RAC1: variants seen among roughly 807,000 people sequenced by gnomAD.
The protein encoded by RAC1 is Rac family small GTPase 1, also known as ras-related C3 botulinum toxin substrate 1.
Under a neutral mutation model 25.2 loss-of-function variants are expected in RAC1, and 2 were observed. The observed-to-expected ratio is 0.08, with a 90% confidence interval of 0.03 to 0.25. The LOEUF (loss-of-function observed/expected upper bound fraction) is 0.25, where lower values mean the gene tolerates loss of function less well. Ranked by LOEUF, RAC1 falls within the 10% of genes least tolerant of loss-of-function variation. The pLI is 1.00. For synonymous variants in RAC1, 88 were observed against 94.0 expected, an observed-to-expected ratio of 0.94 and a Z score of 0.37; for missense variants, 50 against 235.7, an observed-to-expected ratio of 0.21 and a Z score of 5.16.
intron 1 of RAC1, among the ~76,000 whole-genome samples, chr7:6,379,844 G>A (rs1253153758): frequency 2.0e-5 from 3 of 152,098 alleles, no homozygotes; most frequent in African/African-American, 4.8e-5. Context: ...TGCCTCCTGG[G>A]TTCAAGCAGT....
At chr7:6,383,879 T>C (rs771275259) in intron 1 of RAC1, among the ~76,000 whole-genome samples, 88 of 135,286 alleles carry the variant, frequency 6.5e-4, no homozygotes, top group South Asian at 1.3e-3. Flanking sequence ...CTCGGCTCAC[T>C]GCAACTTCCG....
chr7:6,400,042 C>A, intron 3 of RAC1, 84 bp from the exon 4 acceptor site: 1 of 1,244,616 alleles, frequency 8.0e-7, no homozygotes, highest in Non-Finnish European at 1.2e-6. Flanking sequence ...CCAACAAGTC[C>A]TTCCCAGCAA....
rs1554263519 is a variant in RAC1 at position 6,390,096 on chromosome 7, C to CCTTTTTTTTTT, written c.108-1828_108-1827insCTTTTTTTTTT. Among the ~76,000 whole-genome samples the CCTTTTTTTTTT allele has an allele frequency of 1.3e-4, 10 of 74,916 alleles. No individual in the cohort carries two copies. The East Asian group carries it at 3.1e-3, about 23-fold the overall frequency. 49.1% of individuals were successfully genotyped at this position (74,916 alleles called of 152,430 possible). On this transcript the variant is annotated intron_variant, in intron 2 of 5. Coordinates refer to ENST00000348035, the MANE Select transcript of RAC1 (RefSeq NM_006908.5). ...CCTCCCTTGCTCCCTCCCTCCCTCC[C>CCTTTTTTTTTT]TTTTTTTTTTTTTTTTTTTTTGAGA...
At chr7:6,393,452 C>G (rs1431876983) in intron 3 of RAC1, among the ~76,000 whole-genome samples, 4 of 152,044 alleles carry the variant, frequency 2.6e-5, no homozygotes, top group African/African-American at 9.7e-5. Context: ...TCAGGGGGTA[C>G]CGGGCAGGGT....
chr7:6,390,401 A>T (rs1483469728), intron 2 of RAC1, among the ~76,000 whole-genome samples: 1 of 151,888 alleles, frequency 6.6e-6, no homozygotes, highest in African/African-American at 2.4e-5. Flanking sequence ...GGAGATCAAG[A>T]CCAGCCTGAT....
At chr7:6,379,883 G>A (rs577136185) in intron 1 of RAC1, among the ~76,000 whole-genome samples, 1 of 152,188 alleles carries the variant, frequency 6.6e-6, no homozygotes, top group Admixed American at 6.6e-5. Flanking sequence ...CAAAGTGATG[G>A]AATTACAGGC....
At chr7:6,383,306 C>G (rs1782825607) in intron 1 of RAC1, among the ~76,000 whole-genome samples, 1 of 152,142 alleles carries the variant, frequency 6.6e-6, no homozygotes, top group African/African-American at 2.4e-5. Context: ...TGAATATACA[C>G]TAATAGGAGT....
intron 1 of RAC1, among the ~76,000 whole-genome samples, chr7:6,379,305 G>A (rs1289054947): frequency 8.1e-4 from 81 of 99,400 alleles, no homozygotes; most frequent in African/African-American, 2.7e-3. Flanking sequence ...AGGAGTTTTC[G>A]CCCTTTTTGC....
intron 1 of RAC1, among the ~76,000 whole-genome samples, chr7:6,377,404 G>C (rs1782640379): frequency 6.6e-6 from 1 of 151,946 alleles, no homozygotes; most frequent in African/African-American, 2.4e-5. Context: ...GACCAGCCTG[G>C]GCAACATGGC....
rs777327497 is a variant in RAC1, at chr7:6,402,309, C to G, written c.449-7C>G. Reference sequence around the variant, plus strand: ...TGTACATTGCCGTGTGGTCGTGTTTCCTGTAGGTGCTGTAAAATACCTGGA... The same window carrying G: ...TGTACATTGCCGTGTGGTCGTGTTTGCTGTAGGTGCTGTAAAATACCTGGA... On this transcript the variant is annotated splice_region_variant and splice_polypyrimidine_tract_variant and intron_variant, in intron 5 of 5. Coordinates refer to ENST00000348035, the MANE Select transcript of RAC1 (RefSeq NM_006908.5). The G allele has an allele frequency of 6.2e-6, 10 of 1,601,982 alleles. No homozygotes were observed. Among genetic ancestry groups the G allele is most frequent in the Non-Finnish European group, 7.7e-6 (9 of 1,174,502 alleles).
intron 1 of RAC1, among the ~76,000 whole-genome samples, chr7:6,378,698 C>G (rs1412692895): frequency 6.6e-6 from 1 of 152,098 alleles, no homozygotes; most frequent in Non-Finnish European, 1.5e-5. Flanking sequence ...AGCATGGGGT[C>G]TATAATTTTT....
At chr7:6,388,216 A>C (rs1205600619) in intron 2 of RAC1, among the ~76,000 whole-genome samples, 1 of 151,980 alleles carries the variant, frequency 6.6e-6, no homozygotes, top group Non-Finnish European at 1.5e-5. Flanking sequence ...AGCTGCTGTG[A>C]GTCCTCCCTG....
intron 1 of RAC1, 42 bp from the exon 2 acceptor site, chr7:6,387,170 C>A (rs2115192888): frequency 8.0e-7 from 1 of 1,250,008 alleles, no homozygotes; most frequent in Non-Finnish European, 1.1e-6. Flanking sequence ...GCTAAGATTA[C>A]ATTCATGTTG....
chr7:6,402,062 C>T, intron 5 of RAC1, 35 bp downstream of exon 5: 1 of 1,598,658 alleles, frequency 6.3e-7, no homozygotes, highest in Non-Finnish European at 8.5e-7. Context: ...CTCCTTGTAC[C>T]TCTTTTATTG....
chr7:6,379,492 C>G (rs1055441384), intron 1 of RAC1, among the ~76,000 whole-genome samples: 8 of 152,098 alleles, frequency 5.3e-5, no homozygotes, highest in African/African-American at 1.9e-4. Flanking sequence ...AGGTTGGTCT[C>G]AAACGCCTGA....
chr7:6,384,470 C>T (rs141085637), intron 1 of RAC1, among the ~76,000 whole-genome samples: 1 of 152,190 alleles, frequency 6.6e-6, no homozygotes, highest in Non-Finnish European at 1.5e-5. Context: ...TTTCCCTATG[C>T]CACTGCCCAC....
chr7:6,374,794 C>G (rs1181225181), intron 1 of RAC1, 24 bp downstream of exon 1: 2 of 1,116,730 alleles, frequency 1.8e-6, no homozygotes, highest in Non-Finnish European at 2.2e-6. Context: ...CGGGGCCGGG[C>G]TGGAGGCCGC....
At chr7:6,399,221 C>G (rs1040453151) in intron 3 of RAC1, among the ~76,000 whole-genome samples, 1 of 152,176 alleles carries the variant, frequency 6.6e-6, no homozygotes, top group Non-Finnish European at 1.5e-5. Flanking sequence ...TCTTCAAATG[C>G]CAGTTATAAA....
At chr7:6,392,072 T>C (rs761242154) in intron 3 of RAC1, 31 bp downstream of exon 3, 1 of 1,613,450 alleles carries the variant, frequency 6.2e-7, no homozygotes, top group Non-Finnish European at 8.5e-7. Context: ...TTAATGTGTC[T>C]TTTAGAGTAT....
Sources: gnomAD v4.1 joint callset for allele counts (sites outside exome capture counted in the v4.1 genomes callset) on GRCh38, gnomAD v4.1.1 for gene constraint, MANE v1.5 for transcripts, NCBI Gene and HGNC (gene_info 2026-07-23, HGNC 2026-07-21) for gene names.